Variants in NFASC observed in about 807,000 individuals in gnomAD.
The protein encoded by NFASC is neurofascin homolog.
NFASC carries 43 observed loss-of-function variants against 147.5 expected under a neutral mutation model. That is an observed-to-expected ratio of 0.29 (90% confidence interval 0.23 to 0.38). The LOEUF (loss-of-function observed/expected upper bound fraction) is 0.38. Ranked by LOEUF, NFASC falls within the 10% of genes least tolerant of loss-of-function variation. NFASC has a pLI of 1.00. For synonymous variants in NFASC, 622 were observed against 665.5 expected (o/e 0.93, Z 1.01); for missense variants, 1,320 against 1,689.0 (o/e 0.78, Z 3.83).
intron 3 of NFASC, chr1:204,946,894 TCC>T (rs1027124112): frequency 2.3e-6 from 1 of 433,686 alleles, no homozygotes; most frequent in African/African-American, 2.0e-5. Flanking sequence ...TGTGATGGGA[TCC>T]CACCGCCCCT....
At chr1:204,943,315 G>C (rs1208122128) in intron 2 of NFASC, among the ~76,000 whole-genome samples, 1 of 152,160 alleles carries the variant, frequency 6.6e-6, no homozygotes, top group Non-Finnish European at 1.5e-5. Context: ...TCTAGAGGAG[G>C]AGAAGAAAGG....
chr1:204,853,890 T>C (rs933309692), intron 1 of NFASC, among the ~76,000 whole-genome samples: 1 of 152,006 alleles, frequency 6.6e-6, no homozygotes, highest in Non-Finnish European at 1.5e-5. Flanking sequence ...AACCCATCCA[T>C]AGGGGAGAGA....
At chr1:204,947,930 A>C (rs144234981) in intron 3 of NFASC, among the ~76,000 whole-genome samples, 1 of 151,832 alleles carries the variant, frequency 6.6e-6, no homozygotes, top group East Asian at 1.9e-4. Flanking sequence ...ACCCACTCAC[A>C]CTCACACCCT....
intron 1 of NFASC, among the ~76,000 whole-genome samples, chr1:204,895,524 C>G (rs949394509): frequency 2.0e-5 from 3 of 152,198 alleles, no homozygotes; most frequent in Non-Finnish European, 2.9e-5. Context: ...TACTCATTCA[C>G]CCCCTGATTT....
intron 1 of NFASC, among the ~76,000 whole-genome samples, chr1:204,898,560 C>G (rs2083857736): frequency 6.6e-6 from 1 of 152,208 alleles, no homozygotes; most frequent in Non-Finnish European, 1.5e-5. Flanking sequence ...GAGGGCAGAG[C>G]ACTCTATGGC....
chr1:204,957,739 A>C lies in NFASC; in HGVS notation c.619A>C (p.Met207Leu). ...CTTCTCCAACGTGATGCTGCAGGAC[A>C]TGCAGACCGACTACAGTTGTAACGC... Reference protein sequence around the residue: ...LYFSNVMLQDMQTDYSCNARF... With the variant: ...LYFSNVMLQDLQTDYSCNARF... The change falls in exon 8 of 30, where the codon ATG becomes CTG. Residue 207 changes from methionine (M) to leucine (L), a missense_variant. By Grantham distance (15) the Met-to-Leu change is conservative. This residue lies in a region of NFASC where 981 missense variants were observed against 1,289.5 expected (regional missense o/e 0.76). Transcript: ENST00000339876. 1 of 1,614,170 alleles carries C rather than the reference A, an allele frequency of 6.2e-7. No homozygotes were observed. Among genetic ancestry groups the C allele is most frequent in the Non-Finnish European group, 8.5e-7 (1 of 1,180,012 alleles).
chr1:204,912,993 A>T (rs1480202273), intron 1 of NFASC, among the ~76,000 whole-genome samples: 6 of 152,226 alleles, frequency 3.9e-5, no homozygotes, highest in African/African-American at 1.4e-4. Flanking sequence ...ATGCTACTGC[A>T]CTCCAATCTG....
chr1:204,885,310 G>T (rs936890476), intron 1 of NFASC, among the ~76,000 whole-genome samples: 3 of 152,118 alleles, frequency 2.0e-5, no homozygotes, highest in African/African-American at 7.2e-5. Context: ...AATTGTTCCA[G>T]CCGTGGGCCA....
Position 204,920,792 on chromosome 1 carries a change from G to A in NFASC, c.-91+52G>A, listed in dbSNP as rs936709453. On this transcript the variant is annotated intron_variant, in intron 2 of 29. Coordinates refer to ENST00000339876, the MANE Select transcript of NFASC (RefSeq NM_001005388.3). ...GTGTCATTGGAGGGGTGAGAATGAG[G>A]GGACATTCTCGCCTCCTGCCCCTTC... 9 of 887,370 alleles carry A rather than the reference G, an allele frequency of 1.0e-5. No homozygotes were observed. In the African/African-American group the frequency reaches 1.4e-4, roughly 14 times the overall value. The allele number at this position is 887,370 out of a possible 1,614,324, so 55.0% of individuals were successfully genotyped here. A position where few individuals can be genotyped will look rare whatever the true frequency, so the allele number is the denominator to read the frequency against.
intron 1 of NFASC, among the ~76,000 whole-genome samples, chr1:204,852,295 T>A (rs111439212): frequency 4.6e-5 from 7 of 152,174 alleles, no homozygotes; most frequent in African/African-American, 1.7e-4. Context: ...GGTCAGGAGT[T>A]CAAGACCAGC....
intron 8 of NFASC, chr1:204,967,924 A>G: frequency 4.6e-6 from 1 of 215,498 alleles, no homozygotes; most frequent in South Asian, 8.0e-5. Flanking sequence ...TCCCAACACA[A>G]GCTGCTCTGG....
In NFASC at chr1:204,968,584, G is replaced by A. The variant is rs1159562340; in HGVS notation, c.819-214G>A. The A allele has an allele frequency of 1.3e-5, 8 of 615,098 alleles. No homozygotes were observed. Among genetic ancestry groups the A allele is most frequent in the East Asian group, 2.8e-5 (1 of 36,348 alleles). The allele number at this position is 615,098 out of a possible 1,614,324, so 38.1% of individuals were successfully genotyped here. The stretch of plus-strand genomic sequence containing the variant: ...AGGAAAGAAGGTGATTAGGCATCCC[G>A]TAGATGCGTTAGAATCTCGTGGGAC... On this transcript the variant is annotated intron_variant, in intron 9 of 29. Coordinates refer to ENST00000339876, the MANE Select transcript of NFASC (RefSeq NM_001005388.3). This position sits in a 1 kb window ranked among gnomAD's most constrained non-coding sequence, Gnocchi z 5.4.
chr1:204,840,376 G>A (rs1674968953), intron 1 of NFASC, among the ~76,000 whole-genome samples: 1 of 152,202 alleles, frequency 6.6e-6, no homozygotes, highest in South Asian at 2.1e-4. Flanking sequence ...AGGCCTTCCA[G>A]GTAATTCTAC....
chr1:204,944,468 G>GGT, intron 3 of NFASC, 62 bp downstream of exon 3: 3 of 473,314 alleles, frequency 6.3e-6, no homozygotes, highest in African/African-American at 2.0e-5. Context: ...GGTGGGAGGG[G>GGT]AGGGAAGGTC....
chr1:204,896,769 T>G (rs1572664256), intron 1 of NFASC, among the ~76,000 whole-genome samples: 1 of 152,246 alleles, frequency 6.6e-6, no homozygotes, highest in South Asian at 2.1e-4. Context: ...TTATTATTAA[T>G]GGCAGCCGAT....
rs550583814 is a variant in NFASC, at chr1:205,013,150, A to G, written c.3491+284A>G. On this transcript the variant is annotated intron_variant, in intron 29 of 29. Coordinates refer to ENST00000339876, the MANE Select transcript of NFASC (RefSeq NM_001005388.3). ...TGACGAACAGCATTTCATTCATTCA[A>G]CTGCACAACTCAAATGTATCAAGCT... is the stretch of plus-strand genomic sequence containing the variant. Among the ~76,000 whole-genome samples the G allele has an allele frequency of 3.9e-5, 6 of 152,230 alleles. No homozygotes were observed. In the East Asian group the frequency reaches 9.6e-4, roughly 24 times the overall value.
rs145933707 is a variant in NFASC at position 204,891,139 on chromosome 1, G to A, written c.-199-29493G>A. Among the ~76,000 whole-genome samples the A allele has an allele frequency of 7.7e-4, 117 of 152,300 alleles. 1 individual carries two copies. The highest frequency in any genetic ancestry group is 5.0e-3 in the South Asian group (24 of 4,824). ...CCTAGGTCACTTGGCATCTTGGCATGGAATCCCTAGAAAGCAGAACCTCGG... is the reference window on the plus strand; with the variant it reads ...CCTAGGTCACTTGGCATCTTGGCATAGAATCCCTAGAAAGCAGAACCTCGG... On this transcript the variant is annotated intron_variant, in intron 1 of 29. Coordinates refer to ENST00000339876, the MANE Select transcript of NFASC (RefSeq NM_001005388.3).
Position 204,950,443 on chromosome 1 carries a change from A to G in NFASC, c.92-114A>G. 3.1e-6 allele frequency: 3 copies of G among 970,446 alleles called. 1 individual carries two copies. In the South Asian group the frequency reaches 4.2e-5, roughly 14 times the overall value. 60.1% of individuals were successfully genotyped at this position (970,446 alleles called of 1,614,324 possible). ...GAGCCCTGTGCTCAGCGCCCTCCCC[A>G]GGCACACCCCGCCCACTCCCTGTGT... On this transcript the variant is annotated intron_variant, in intron 3 of 29. Transcript: ENST00000339876.
intron 1 of NFASC, among the ~76,000 whole-genome samples, chr1:204,918,386 T>G (rs1279803921): frequency 6.6e-6 from 1 of 152,128 alleles, no homozygotes; most frequent in Non-Finnish European, 1.5e-5. Context: ...CTCCTTTTAG[T>G]GTTAGTGTAT....
Sources: gnomAD v4.1 joint callset for allele counts (sites outside exome capture counted in the v4.1 genomes callset) on GRCh38, gnomAD v4.1.1 for gene constraint, gnomAD v4.1.1 regional missense constraint, Gnocchi (gnomAD v3.1) non-coding constraint, MANE v1.5 for transcripts, NCBI Gene and HGNC (gene_info 2026-07-23, HGNC 2026-07-21) for gene names.